RASA2: variants seen among roughly 807,000 people sequenced by gnomAD.
RASA2 encodes the protein RAS p21 protein activator 2.
RASA2 carries 155 observed loss-of-function variants against 118.2 expected under a neutral mutation model. The observed-to-expected ratio is 1.31, with a 90% CI of 1.15 to 1.50. The LOEUF (loss-of-function observed/expected upper bound fraction) is 1.50, where lower values mean the gene tolerates loss of function less well. Among genes scored for constraint, RASA2 ranks in the 40% most tolerant of loss-of-function variants. RASA2 has a pLI of 0.00. For synonymous variants in RASA2, 353 were observed against 349.1 expected, an observed-to-expected ratio of 1.01 and a Z score of -0.12; for missense variants, 1,016 against 1,009.6, an observed-to-expected ratio of 1.01 and a Z score of -0.09.
intron 6 of RASA2, among the ~76,000 whole-genome samples, chr3:141,554,646 A>T (rs1040248624): frequency 6.6e-6 from 1 of 152,192 alleles, no homozygotes; most frequent in Non-Finnish European, 1.5e-5. Context: ...ACATGCATAC[A>T]TACACACCCC....
intron 21 of RASA2, 29 bp from the exon 22 acceptor site, chr3:141,609,391 A>G (rs759755073): frequency 5.1e-6 from 7 of 1,364,330 alleles, no homozygotes; most frequent in East Asian, 2.5e-5. Flanking sequence ...AATTTGTATA[A>G]TATCTTTATT....
At chr3:141,496,386 A>G (rs953439974) in intron 1 of RASA2, among the ~76,000 whole-genome samples, 1 of 152,222 alleles carries the variant, frequency 6.6e-6, no homozygotes, top group Non-Finnish European at 1.5e-5. Context: ...CAGGCAACCT[A>G]CAGAATGGGA....
In RASA2 at chr3:141,577,077, C is replaced by T; in HGVS notation, c.1561C>T (p.His521Tyr). 6.8e-6 allele frequency: 11 copies of T among 1,608,122 alleles called. No individual in the cohort carries two copies. Among genetic ancestry groups the T allele is most frequent in the Non-Finnish European group, 9.4e-6 (11 of 1,175,660 alleles). Reference sequence around the variant, plus strand: ...CTTTGCTGTAGCCGTAGTATCACCTCATACTTTTCATTTGCGACCTCATCA... The same window carrying T: ...CTTTGCTGTAGCCGTAGTATCACCTTATACTTTTCATTTGCGACCTCATCA... Reference protein sequence around the residue: ...RFFAVAVVSPHTFHLRPHHPD... With the variant: ...RFFAVAVVSPYTFHLRPHHPD... Residue 521 changes from histidine (H) to tyrosine (Y), a missense_variant, in exon 15 of 24, where the codon CAT (histidine) becomes TAT (tyrosine). Coordinates refer to ENST00000286364, the MANE Select transcript of RASA2 (RefSeq NM_006506.5).
intron 3 of RASA2, among the ~76,000 whole-genome samples, chr3:141,524,262 G>T (rs1256540009): frequency 6.6e-6 from 1 of 152,090 alleles, no homozygotes; most frequent in Non-Finnish European, 1.5e-5. Flanking sequence ...TCACCACATG[G>T]TCTCCTGATT....
chr3:141,577,216 A>G (rs1212187339), intron 15 of RASA2, 110 bp downstream of exon 15: 2 of 750,972 alleles, frequency 2.7e-6, no homozygotes, highest in Admixed American at 3.1e-5. Context: ...TATAACTGAT[A>G]CTTAAATTTA....
intron 5 of RASA2, among the ~76,000 whole-genome samples, chr3:141,543,876 C>CTTTTTTTTTTTTTTTTTTTTT (rs529631210): frequency 3.6e-4 from 42 of 117,304 alleles, no homozygotes; most frequent in South Asian, 1.1e-3. Context: ...TTTCTTTTTT[C>CTTTTTTTTTTTTTTTTTTTTT]TTTTTTTTTT....
At chr3:141,537,596 G>A (rs752671340) in intron 4 of RASA2, among the ~76,000 whole-genome samples, 1 of 151,838 alleles carries the variant, frequency 6.6e-6, no homozygotes. Flanking sequence ...TGGTGAAACC[G>A]TGTCTCTACT....
At chr3:141,553,448 A>G (rs1044756669) in intron 5 of RASA2, among the ~76,000 whole-genome samples, 1 of 151,644 alleles carries the variant, frequency 6.6e-6, no homozygotes, top group African/African-American at 2.4e-5. Flanking sequence ...GAGTATTTGC[A>G]TTATATATAC....
intron 3 of RASA2, among the ~76,000 whole-genome samples, chr3:141,527,262 TATTC>T (rs2151092465): frequency 6.6e-6 from 1 of 152,342 alleles, no homozygotes; most frequent in Non-Finnish European, 1.5e-5. Context: ...TCTATATACA[TATTC>T]ATAAATTGTG....
intron 4 of RASA2, among the ~76,000 whole-genome samples, chr3:141,534,808 T>C (rs1215257719): frequency 6.6e-6 from 1 of 152,152 alleles, no homozygotes. Flanking sequence ...CTAGATCATA[T>C]TAAATACTTC....
intron 5 of RASA2, among the ~76,000 whole-genome samples, chr3:141,553,371 A>G (rs1038664601): frequency 6.6e-6 from 1 of 152,114 alleles, no homozygotes; most frequent in Admixed American, 6.5e-5. Flanking sequence ...AAATGTGTTG[A>G]CTGTTACACA....
At chr3:141,606,927 A>G (rs993973882) in intron 19 of RASA2, among the ~76,000 whole-genome samples, 5 of 152,170 alleles carry the variant, frequency 3.3e-5, no homozygotes, top group African/African-American at 1.2e-4. Context: ...CAGAAGTTAG[A>G]ATTATGTTTG....
chr3:141,545,905 A>G (rs1331540951), intron 5 of RASA2, among the ~76,000 whole-genome samples: 1 of 152,026 alleles, frequency 6.6e-6, no homozygotes, highest in Non-Finnish European at 1.5e-5. Context: ...CTCTGTTATC[A>G]TGAGTTCAAT....
intron 9 of RASA2, among the ~76,000 whole-genome samples, chr3:141,561,158 A>G (rs1187678998): frequency 2.0e-5 from 3 of 152,174 alleles, no homozygotes; most frequent in Admixed American, 6.5e-5. Context: ...CCACTACACC[A>G]TGTCTTCCAC....
intron 19 of RASA2, among the ~76,000 whole-genome samples, chr3:141,591,230 C>T (rs1308172936): frequency 1.3e-5 from 2 of 152,218 alleles, no homozygotes; most frequent in Non-Finnish European, 2.9e-5. Flanking sequence ...ACATCTTTTG[C>T]ATGCTTTTAC....
chr3:141,574,162 T>TTTTA (rs951644995), intron 14 of RASA2, 95 bp downstream of exon 14: 12 of 776,694 alleles, frequency 1.5e-5, no homozygotes, highest in Middle Eastern at 4.5e-4. Context: ...TATTTAAGGT[T>TTTTA]TTTATTTATT....
At chr3:141,574,113 CT>C (rs1162043399) in intron 14 of RASA2, 46 bp downstream of exon 14, 18 of 1,293,956 alleles carry the variant, frequency 1.4e-5, no homozygotes, top group Admixed American at 2.7e-5. Context: ...TTTTCTTTGA[CT>C]TTTTTATAGA....
chr3:141,580,994 T>C, intron 16 of RASA2, 106 bp from the exon 17 acceptor site: 1 of 1,195,318 alleles, frequency 8.4e-7, no homozygotes, highest in Non-Finnish European at 1.1e-6. Flanking sequence ...TCTGAAAATA[T>C]ATAATTGAGT....
At chr3:141,588,782 A>G (rs959513089) in intron 19 of RASA2, among the ~76,000 whole-genome samples, 19 of 152,198 alleles carry the variant, frequency 1.2e-4, no homozygotes, top group African/African-American at 4.6e-4. Flanking sequence ...TACAACATTT[A>G]CATACTCAAA....
Sources: allele counts gnomAD v4.1 joint callset (sites outside exome capture counted in the v4.1 genomes callset), GRCh38; gene constraint gnomAD v4.1.1; transcripts MANE v1.5; gene names NCBI Gene and HGNC (gene_info 2026-07-23, HGNC 2026-07-21).